The following ADAMTSL3 variants were observed in gnomAD, a reference collection of about 807,000 sequenced individuals.
ADAMTSL3 encodes ADAMTS like 3.
Under a neutral mutation model 201.7 loss-of-function variants are expected in ADAMTSL3, and 128 were observed. That is an observed-to-expected ratio of 0.63 (90% CI 0.55 to 0.73). The LOEUF (loss-of-function observed/expected upper bound fraction) is 0.73. Among genes scored for constraint, ADAMTSL3 ranks in the 30% least tolerant of loss-of-function variants. ADAMTSL3 has a pLI of 0.00. For synonymous variants in ADAMTSL3, 738 were observed against 748.4 expected (o/e 0.99, Z 0.23); for missense variants, 1,990 against 2,119.6 (o/e 0.94, Z 1.20).
rs778068815 is a variant in ADAMTSL3, at chr15:84,037,847, A to G, written c.*41A>G. ...ATGATGCTGCTGTGAAGATAAAAGT[A>G]GAATATAAAAGCTCTTTTCCCCATG... On this transcript the variant is annotated 3_prime_UTR_variant, in exon 30 of 30. Transcript: ENST00000286744. 263 of 1,574,038 alleles carry G rather than the reference A, an allele frequency of 1.7e-4. No individual in the cohort carries two copies. Among genetic ancestry groups the G allele is most frequent in the Non-Finnish European group, 2.1e-4 (241 of 1,167,510 alleles).
intron 7 of ADAMTSL3, among the ~76,000 whole-genome samples, chr15:83,842,597 T>A (rs2064406012): frequency 6.6e-6 from 1 of 152,222 alleles, no homozygotes. Flanking sequence ...ATGTGGGTAT[T>A]TGTAAACATA....
At chr15:83,698,558 T>G (rs1203265704) in intron 2 of ADAMTSL3, among the ~76,000 whole-genome samples, 2 of 152,186 alleles carry the variant, frequency 1.3e-5, no homozygotes, top group African/African-American at 4.8e-5. Context: ...TTCCTCCTGC[T>G]TTCCCTCCAA....
chr15:83,922,523 A>T (rs1173354777), intron 16 of ADAMTSL3, among the ~76,000 whole-genome samples: 5 of 152,226 alleles, frequency 3.3e-5, no homozygotes, highest in Non-Finnish European at 7.3e-5. Flanking sequence ...TGAACACTTA[A>T]ACCTCTACAA....
intron 21 of ADAMTSL3, among the ~76,000 whole-genome samples, chr15:83,983,729 C>G (rs2067429913): frequency 6.6e-6 from 1 of 152,194 alleles, no homozygotes; most frequent in African/African-American, 2.4e-5. Context: ...CAGAGCTCTT[C>G]CATGTCTAGG....
intron 2 of ADAMTSL3, among the ~76,000 whole-genome samples, chr15:83,660,655 C>T (rs761531227): frequency 6.6e-6 from 1 of 152,190 alleles, no homozygotes; most frequent in Admixed American, 6.5e-5. Flanking sequence ...TTTCCCATCC[C>T]CTAATGGAAT....
intron 10 of ADAMTSL3, among the ~76,000 whole-genome samples, chr15:83,886,133 T>C (rs1403287715): frequency 2.0e-5 from 3 of 152,198 alleles, no homozygotes; most frequent in African/African-American, 7.2e-5. Context: ...TGGAAGATAA[T>C]TGTCCATTTG....
chr15:83,805,712 C>G (rs2063592673), intron 5 of ADAMTSL3, among the ~76,000 whole-genome samples: 1 of 152,040 alleles, frequency 6.6e-6, no homozygotes, highest in African/African-American at 2.4e-5. Flanking sequence ...ACCAAAACAA[C>G]AAATAAACAA....
In ADAMTSL3 at chr15:83,883,521, T is replaced by A. The variant is rs1596353100; in HGVS notation, c.961-1580T>A. Among the ~76,000 whole-genome samples the A allele has an allele frequency of 2.9e-5, 2 of 69,568 alleles. 1 individual carries two copies. Among genetic ancestry groups the A allele is most frequent in the South Asian group, 1.2e-3 (2 of 1,714 alleles). 45.6% of individuals were successfully genotyped at this position (69,568 alleles called of 152,430 possible). On this transcript the variant is annotated intron_variant, in intron 9 of 29. Coordinates refer to ENST00000286744, the MANE Select transcript of ADAMTSL3 (RefSeq NM_207517.3). ...AAATTTTTTATCCCAATTTTATTTC[T>A]TTTTTTTTTTTCAATTGCATTTTTT...
intron 2 of ADAMTSL3, among the ~76,000 whole-genome samples, chr15:83,693,451 T>A (rs1254654740): frequency 6.6e-6 from 1 of 152,146 alleles, no homozygotes; most frequent in East Asian, 1.9e-4. Context: ...AAAGGGTCAC[T>A]CTACTGCCTT....
chr15:83,951,400 TG>T (rs2066754750), intron 19 of ADAMTSL3, among the ~76,000 whole-genome samples: 1 of 152,210 alleles, frequency 6.6e-6, no homozygotes, highest in African/African-American at 2.4e-5. Context: ...TTTACTGTGT[TG>T]TTGAAATCAC....
intron 5 of ADAMTSL3, among the ~76,000 whole-genome samples, chr15:83,805,021 G>A (rs1596241685): frequency 6.6e-6 from 1 of 152,120 alleles, no homozygotes; most frequent in Non-Finnish European, 1.5e-5. Flanking sequence ...TCTCTGGGCA[G>A]GTGAGGTGCA....
chr15:83,684,738 A>G (rs961287228), intron 2 of ADAMTSL3, among the ~76,000 whole-genome samples: 1 of 148,354 alleles, frequency 6.7e-6, no homozygotes, highest in Non-Finnish European at 1.5e-5. Flanking sequence ...ATCTCACTGT[A>G]TGAAGACATC....
Position 83,912,090 on chromosome 15 carries a change from A to G in ADAMTSL3, c.1701-1002A>G, listed in dbSNP as rs546747713. 3.9e-5 allele frequency among the ~76,000 whole-genome samples: 6 copies of G among 152,108 alleles called. No individual in the cohort carries two copies. In the East Asian group the frequency reaches 1.2e-3, roughly 29 times the overall value. ...CTCCTCTATCACTTATTAATATCTC[A>G]AGATACAAAGTGTTTTTTCAGAGTA... is the stretch of plus-strand genomic sequence containing the variant. On this transcript the variant is annotated intron_variant, in intron 15 of 29. Transcript: ENST00000286744.
At chr15:83,846,708 A>T (rs2064506354) in intron 7 of ADAMTSL3, among the ~76,000 whole-genome samples, 1 of 152,176 alleles carries the variant, frequency 6.6e-6, no homozygotes, top group African/African-American at 2.4e-5. Context: ...CAAACTTCCC[A>T]GGTGGCCACT....
chr15:83,810,043 A>G (rs1020707306), intron 5 of ADAMTSL3, among the ~76,000 whole-genome samples: 1 of 152,168 alleles, frequency 6.6e-6, no homozygotes, highest in Non-Finnish European at 1.5e-5. Flanking sequence ...GTCCATTTCT[A>G]TCAACGATGA....
intron 4 of ADAMTSL3, among the ~76,000 whole-genome samples, chr15:83,789,270 C>A (rs910792078): frequency 2.6e-5 from 4 of 151,760 alleles, no homozygotes; most frequent in Non-Finnish European, 4.4e-5. Context: ...ATATTTTTTC[C>A]TGAGTTATTT....
chr15:83,962,816 C>T (rs1203594988), intron 19 of ADAMTSL3, among the ~76,000 whole-genome samples: 1 of 152,214 alleles, frequency 6.6e-6, no homozygotes, highest in East Asian at 1.9e-4. Context: ...AACAGAGGTA[C>T]TGGCTCATCT....
At chr15:83,832,630 G>A (rs1216630228) in intron 6 of ADAMTSL3, among the ~76,000 whole-genome samples, 1 of 152,202 alleles carries the variant, frequency 6.6e-6, no homozygotes, top group Non-Finnish European at 1.5e-5. Context: ...CAGTTAGGCA[G>A]ATTCAGTGTC....
chr15:83,715,230 A>T (rs1442761463), intron 3 of ADAMTSL3, among the ~76,000 whole-genome samples: 2 of 152,188 alleles, frequency 1.3e-5, no homozygotes, highest in African/African-American at 4.8e-5. Flanking sequence ...GTCAGCAGTG[A>T]TAGCTCAGGA....
Sources: allele counts gnomAD v4.1 joint callset (sites outside exome capture counted in the v4.1 genomes callset), GRCh38; gene constraint gnomAD v4.1.1; transcripts MANE v1.5; gene names NCBI Gene and HGNC (gene_info 2026-07-23, HGNC 2026-07-21).